The following IL2RB variants were observed in gnomAD, a reference collection of about 807,000 sequenced individuals.
IL2RB encodes interleukin 2 receptor subunit beta.
Under a neutral mutation model 44.2 loss-of-function variants are expected in IL2RB, and 17 were observed. The observed-to-expected ratio is 0.38, with a 90% confidence interval of 0.26 to 0.58. The LOEUF is 0.58. Among genes scored for constraint, IL2RB ranks in the 20% least tolerant of loss-of-function variants. IL2RB has a pLI of 0.63. For missense variants in IL2RB, 624 were observed against 685.5 expected (o/e 0.91, Z 1.00); for synonymous variants, 286 against 297.9 (o/e 0.96, Z 0.41).
rs1390399572 is a variant in IL2RB, at chr22:37,156,531, AC to A, written c.-33-12327del. 9.2e-5 allele frequency among the ~76,000 whole-genome samples: 14 copies of A among 152,260 alleles called. 1 individual carries two copies. The highest frequency in any genetic ancestry group is 2.9e-4 in the African/African-American group (12 of 41,540). On this transcript the variant is annotated intron_variant, in intron 1 of 5. Transcript: ENST00000429622. ...ATATCCTTCTCCCATCTCCTCATAG[AC>A]CAAGAGAGCTATTCAAGCTCCACCC...
intron 1 of IL2RB, among the ~76,000 whole-genome samples, chr22:37,147,399 C>T (rs895921770): frequency 9.2e-5 from 14 of 152,176 alleles, no homozygotes; most frequent in African/African-American, 2.9e-4. Flanking sequence ...CTTCCCACCA[C>T]GACAGCTCAC....
chr22:37,147,218 G>A (rs558356197), intron 1 of IL2RB, among the ~76,000 whole-genome samples: 4 of 152,286 alleles, frequency 2.6e-5, no homozygotes, highest in Admixed American at 6.5e-5. Flanking sequence ...GGCCTCTGGC[G>A]GGGATACTCT....
intron 1 of IL2RB, among the ~76,000 whole-genome samples, chr22:37,168,567 C>T (rs577072303): frequency 1.3e-5 from 2 of 152,350 alleles, no homozygotes; most frequent in African/African-American, 2.4e-5. Context: ...CTACTCCCCA[C>T]CTCTTAGGTT....
chr22:37,163,789 G>A (rs1485573846), intron 1 of IL2RB, among the ~76,000 whole-genome samples: 1 of 152,246 alleles, frequency 6.6e-6, no homozygotes, highest in African/African-American at 2.4e-5. Flanking sequence ...GATTTCATGG[G>A]CCTCCGGGAA....
chr22:37,143,897 GT>G (rs1922097276), intron 2 of IL2RB, among the ~76,000 whole-genome samples, 187 bp downstream of exon 2: 1 of 124,294 alleles, frequency 8.0e-6, no homozygotes, highest in African/African-American at 3.9e-5. Context: ...GTGTGTGTGT[GT>G]GTGTGTGTGT....
intron 1 of IL2RB, among the ~76,000 whole-genome samples, chr22:37,147,301 G>C (rs1922271861): frequency 6.6e-6 from 1 of 152,208 alleles, no homozygotes; most frequent in Admixed American, 6.5e-5. Flanking sequence ...TCATGCAGTG[G>C]ATAAGAGGCC....
chr22:37,136,558 C>T, intron 6 of IL2RB, 165 bp from the exon 7 acceptor site: 1 of 726,876 alleles, frequency 1.4e-6, no homozygotes, highest in Admixed American at 2.8e-5. Context: ...ACCCCAGGGT[C>T]ATCCCCTAAA....
intron 1 of IL2RB, among the ~76,000 whole-genome samples, chr22:37,174,638 C>G (rs1923393319): frequency 6.6e-6 from 1 of 152,236 alleles, no homozygotes; most frequent in African/African-American, 2.4e-5. Flanking sequence ...CATTCATATC[C>G]CTAAACCTTG....
chr22:37,161,940 C>T (rs1434700817), intron 1 of IL2RB: 1 of 152,220 alleles, frequency 6.6e-6, no homozygotes, highest in East Asian at 1.9e-4. Context: ...TTCTCCAAGC[C>T]TCTCCAAGCT....
At chr22:37,153,936 C>T (rs1017403411), upstream of IL2RB, among the ~76,000 whole-genome samples, 1 of 152,240 alleles carries the variant, frequency 6.6e-6, no homozygotes, top group Admixed American at 6.5e-5. Context: ...ATCAGTCTGC[C>T]TGGCACATAC....
At chr22:37,133,618 G>A (rs1764963174) in intron 8 of IL2RB, among the ~76,000 whole-genome samples, 1 of 152,192 alleles carries the variant, frequency 6.6e-6, no homozygotes, top group African/African-American at 2.4e-5. Flanking sequence ...CCGGTCAGAA[G>A]TGTCACCTCC....
chr22:37,129,561 G>A (rs919711711), intron 9 of IL2RB, among the ~76,000 whole-genome samples: 3 of 149,760 alleles, frequency 2.0e-5, no homozygotes, highest in Non-Finnish European at 4.4e-5. Flanking sequence ...GGGAAGACCC[G>A]GGTTCTAGCC....
chr22:37,161,828 A>C (rs964591730), intron 1 of IL2RB: 1 of 152,016 alleles, frequency 6.6e-6, no homozygotes, highest in African/African-American at 2.4e-5. Flanking sequence ...CTCAGTCCTG[A>C]AGTGTGTGCG....
chr22:37,170,427 G>GT (rs1210543506), intron 1 of IL2RB, among the ~76,000 whole-genome samples: 5 of 76,372 alleles, frequency 6.5e-5, no homozygotes, highest in South Asian at 4.3e-4. Context: ...TAGGCCAGCA[G>GT]CGGGGGCAGA....
chr22:37,142,368 G>A, intron 4 of IL2RB, 66 bp downstream of exon 4: 1 of 1,458,808 alleles, frequency 6.9e-7, no homozygotes. Flanking sequence ...GGCCCACCCT[G>A]AGATCGCAGC....
In IL2RB at chr22:37,128,061, C is replaced by T; in HGVS notation, c.*35G>A. The T allele has an allele frequency of 2.7e-6, 4 of 1,479,652 alleles. No individual in the cohort carries two copies. The South Asian group carries it at 4.3e-5, about 16-fold the overall frequency. 91.7% of individuals were successfully genotyped at this position (1,479,652 alleles called of 1,614,324 possible). A position where few individuals can be genotyped will look rare whatever the true frequency, so the allele number is the denominator to read the frequency against. The stretch of plus-strand genomic sequence containing the variant: ...GGTCCTTCTGAGGCTCGGCGCAGAG[C>T]AGGCAGCTGCCTGCCTCCCACCCTG... On this transcript the variant is annotated 3_prime_UTR_variant, in exon 10 of 10. Coordinates refer to ENST00000216223, the MANE Select transcript of IL2RB (RefSeq NM_000878.5). This position sits in a 1 kb window ranked among gnomAD's most constrained non-coding sequence, Gnocchi z 4.5.
intron 1 of IL2RB, among the ~76,000 whole-genome samples, chr22:37,163,142 G>C (rs1301318219): frequency 1.3e-5 from 2 of 152,142 alleles, no homozygotes; most frequent in Non-Finnish European, 2.9e-5. Flanking sequence ...GAGCCAAACA[G>C]AACTAGTTAG....
At chr22:37,160,552 G>A (rs1322478223) in intron 1 of IL2RB, among the ~76,000 whole-genome samples, 1 of 152,144 alleles carries the variant, frequency 6.6e-6, no homozygotes, top group Non-Finnish European at 1.5e-5. Flanking sequence ...CATACTACCA[G>A]GAAACTCAAT....
chr22:37,168,106 G>A (rs866693099), intron 1 of IL2RB, among the ~76,000 whole-genome samples: 2 of 152,214 alleles, frequency 1.3e-5, no homozygotes, highest in Non-Finnish European at 1.5e-5. Context: ...TATAACTAAG[G>A]AAATCGTGTC....
Sources: gnomAD v4.1 joint callset for allele counts (sites outside exome capture counted in the v4.1 genomes callset) on GRCh38, gnomAD v4.1.1 for gene constraint, Gnocchi (gnomAD v3.1) non-coding constraint, MANE v1.5 for transcripts, NCBI Gene and HGNC (gene_info 2026-07-23, HGNC 2026-07-21) for gene names.